Variants in ZFHX3 observed in about 807,000 individuals in gnomAD.
ZFHX3 encodes the protein zinc finger homeobox protein 3.
A neutral mutation model predicts 279.1 loss-of-function variants in ZFHX3; 42 were observed. The observed-to-expected ratio is 0.15, with a 90% confidence interval of 0.12 to 0.19. ZFHX3 has a LOEUF of 0.19. Ranked by LOEUF, ZFHX3 falls within the 10% of genes least tolerant of loss-of-function variation. The probability of loss-of-function intolerance (pLI) is 1.00; values close to 1 mark genes in which losing one functional copy is unlikely to be tolerated. For missense variants in ZFHX3, 4,981 were observed against 4,754.0 expected (o/e 1.05, Z -1.40); for synonymous variants, 2,293 against 1,957.8 (o/e 1.17, Z -4.52).
Position 73,787,573 on chromosome 16 carries a change from A to G in ZFHX3, c.-1608+104078T>C, listed in dbSNP as rs983159522. 5.3e-5 allele frequency among the ~76,000 whole-genome samples: 8 copies of G among 152,148 alleles called. No individual in the cohort carries two copies. The South Asian group carries it at 8.3e-4, about 16-fold the overall frequency. On this transcript the variant is annotated intron_variant, in intron 1 of 17. Coordinates refer to the ZFHX3 transcript ENST00000641206. ...GAGACCTGGATTCATTAGGTATTCA[A>G]ACAGCATTTGTTTAGTCCTAGGAAT...
chr16:73,206,942 T>A (rs1023589699), intron 5 of ZFHX3, among the ~76,000 whole-genome samples: 9 of 151,720 alleles, frequency 5.9e-5, no homozygotes, highest in Non-Finnish European at 1.2e-4. Context: ...CACTTGAACC[T>A]GAGAGGTGGA....
At chr16:73,058,070 C>T (rs1216731286) in intron 1 of ZFHX3, among the ~76,000 whole-genome samples, 1 of 144,220 alleles carries the variant, frequency 6.9e-6, no homozygotes, top group East Asian at 2.1e-4. Context: ...TGTCTCCGAG[C>T]TGGTACCCCG....
chr16:73,215,354 G>T (rs1379201399), intron 5 of ZFHX3, among the ~76,000 whole-genome samples: 1 of 151,872 alleles, frequency 6.6e-6, no homozygotes, highest in Non-Finnish European at 1.5e-5. Context: ...TTCCATGCAG[G>T]CCCATTACTC....
At chr16:73,213,108 G>C (rs1296494243) in intron 5 of ZFHX3, among the ~76,000 whole-genome samples, 2 of 152,126 alleles carry the variant, frequency 1.3e-5, no homozygotes, top group African/African-American at 4.8e-5. Flanking sequence ...ATATGGCGTA[G>C]GACATAGCTT....
At chr16:73,867,788 G>T (rs965720695) in intron 1 of ZFHX3, among the ~76,000 whole-genome samples, 1 of 152,146 alleles carries the variant, frequency 6.6e-6, no homozygotes, top group African/African-American at 2.4e-5. Flanking sequence ...TGAGAAGGTG[G>T]GTTCAGGTGC....
intron 3 of ZFHX3, chr16:73,399,990 C>A (rs575483013): frequency 1.1e-4 from 17 of 151,382 alleles, no homozygotes; most frequent in African/African-American, 4.1e-4. Flanking sequence ...GGTGCTCACA[C>A]GCATATGTAC....
chr16:72,901,970 G>A (rs887598805), intron 3 of ZFHX3, among the ~76,000 whole-genome samples: 6 of 152,172 alleles, frequency 3.9e-5, no homozygotes, highest in Non-Finnish European at 8.8e-5. Flanking sequence ...AAGATGGAGA[G>A]CTCAGCATGG....
In ZFHX3 at chr16:72,788,807, T is replaced by G. The variant is rs544568792; in HGVS notation, c.9469A>C (p.Thr3157Pro). Residue 3157 changes from threonine (T) to proline (P), a missense_variant, in exon 10 of 10, where the codon ACA (threonine) becomes CCA (proline). Thr to Pro is a conservative substitution (Grantham distance 38). This residue lies in a region of ZFHX3 where 1,034 missense variants were observed against 786.0 expected (regional missense o/e 1.32). Transcript: ENST00000268489. The part of the protein sequence containing the change: ...PKPNLMGLPS[T>P]TVPSPGLPTS... ...GGGAGGCCAGGGGAAGGAACAGTTG[T>G]GCTGGGCAGACCCATCAAGTTCGGC... is the stretch of plus-strand genomic sequence containing the variant. 1.3e-6 allele frequency: 2 copies of G among 1,537,956 alleles called. No homozygotes were observed. Among genetic ancestry groups the G allele is most frequent in the East Asian group, 4.5e-5 (2 of 44,410 alleles).
intron 5 of ZFHX3, among the ~76,000 whole-genome samples, chr16:73,224,893 G>C (rs906228258): frequency 5.9e-5 from 9 of 152,082 alleles, no homozygotes; most frequent in Admixed American, 4.6e-4. Flanking sequence ...AGAATGCTCT[G>C]ATTTAGAGAT....
intron 2 of ZFHX3, among the ~76,000 whole-genome samples, chr16:73,604,484 G>A (rs759592379): frequency 5.9e-5 from 9 of 152,222 alleles, no homozygotes; most frequent in African/African-American, 1.2e-4. Flanking sequence ...AGTGACTCAC[G>A]CCTGTAATCC....
chr16:73,008,911 CGTGTGTGTGTGTGTGT>C (rs5817822), intron 1 of ZFHX3, among the ~76,000 whole-genome samples: 1 of 149,606 alleles, frequency 6.7e-6, no homozygotes, highest in Non-Finnish European at 1.5e-5. Flanking sequence ...AAAGTATATA[CGTGTGTGTGTGTGTGT>C]GTGTGTGTGT....
At chr16:73,561,019 A>G (rs112330318) in intron 2 of ZFHX3, among the ~76,000 whole-genome samples, 2,209 of 152,360 alleles carry the variant, frequency 0.014, 61 homozygotes, top group African/African-American at 0.051. Flanking sequence ...AGTATTATAT[A>G]AAGAAATAAT....
At chr16:73,429,864 T>A (rs2017881993) in intron 3 of ZFHX3, among the ~76,000 whole-genome samples, 1 of 151,974 alleles carries the variant, frequency 6.6e-6, no homozygotes, top group Non-Finnish European at 1.5e-5. Flanking sequence ...CTGACTTGTG[T>A]AATTGATGAG....
intron 2 of ZFHX3, among the ~76,000 whole-genome samples, chr16:73,564,171 AC>A (rs1043901467): frequency 6.6e-6 from 1 of 151,986 alleles, no homozygotes; most frequent in African/African-American, 2.4e-5. Flanking sequence ...AAAACATTTG[AC>A]CTCTGGGTTT....
intron 1 of ZFHX3, among the ~76,000 whole-genome samples, chr16:73,003,368 A>G (rs1295011861): frequency 6.6e-6 from 1 of 151,772 alleles, no homozygotes; most frequent in East Asian, 1.9e-4. Flanking sequence ...TGAAGCTTAG[A>G]TTCTAGCAGG....
intron 2 of ZFHX3, among the ~76,000 whole-genome samples, chr16:73,485,862 A>C (rs944469469): frequency 6.6e-6 from 1 of 152,178 alleles, no homozygotes; most frequent in Admixed American, 6.5e-5. Flanking sequence ...AGTCTGGGTG[A>C]AAACTCCTCC....
At chr16:73,297,956 G>T (rs1391568000) in intron 4 of ZFHX3, among the ~76,000 whole-genome samples, 1 of 151,702 alleles carries the variant, frequency 6.6e-6, no homozygotes, top group East Asian at 1.9e-4. Context: ...AGGCTGAGGG[G>T]GGAAGGTCAC....
At chr16:73,229,576 G>A (rs2012708173) in intron 5 of ZFHX3, among the ~76,000 whole-genome samples, 1 of 151,962 alleles carries the variant, frequency 6.6e-6, no homozygotes, top group African/African-American at 2.4e-5. Context: ...GTCTCTCAGT[G>A]GTAGATAGAC....
intron 1 of ZFHX3, among the ~76,000 whole-genome samples, chr16:73,810,074 G>C (rs1325555168): frequency 6.6e-6 from 1 of 152,160 alleles, no homozygotes; most frequent in African/African-American, 2.4e-5. Flanking sequence ...ATGAAGTCCT[G>C]CCTGTTAGAG....
Sources: allele counts gnomAD v4.1 joint callset (sites outside exome capture counted in the v4.1 genomes callset), GRCh38; gene constraint gnomAD v4.1.1; regional missense constraint gnomAD v4.1.1; transcripts MANE v1.5; gene names NCBI Gene and HGNC (gene_info 2026-07-23, HGNC 2026-07-21).